The following BABAM2 variants were observed in gnomAD, a reference collection of about 807,000 sequenced individuals.
BABAM2 encodes BRISC and BRCA1-A complex member 2.
Under a neutral mutation model 54.7 loss-of-function variants are expected in BABAM2, and 31 were observed. The observed-to-expected ratio is 0.57, with a 90% CI of 0.43 to 0.77. The LOEUF (loss-of-function observed/expected upper bound fraction) is 0.77, where lower values mean the gene tolerates loss of function less well. BABAM2 is among the 30% of genes least tolerant of loss of function. The pLI, the probability that BABAM2 is intolerant of heterozygous loss-of-function variation, is 0.00. For synonymous variants in BABAM2, 167 were observed against 162.9 expected (o/e 1.03, Z -0.19); for missense variants, 364 against 455.8 (o/e 0.80, Z 1.83).
intron 6 of BABAM2, among the ~76,000 whole-genome samples, chr2:28,067,846 G>A (rs1156540014): frequency 1.3e-5 from 2 of 152,126 alleles, no homozygotes; most frequent in African/African-American, 4.8e-5. Context: ...GGCAGAATTG[G>A]TGTAATTCAC....
intron 4 of BABAM2, among the ~76,000 whole-genome samples, chr2:28,007,460 T>C (rs1674058345): frequency 6.6e-6 from 1 of 152,106 alleles, no homozygotes; most frequent in African/African-American, 2.4e-5. Context: ...CATAATGCTT[T>C]TGGCTGGAGA....
intron 5 of BABAM2, among the ~76,000 whole-genome samples, chr2:28,026,330 C>G (rs190227097): frequency 2.6e-5 from 4 of 152,234 alleles, no homozygotes; most frequent in Admixed American, 2.6e-4. Flanking sequence ...TTGGAACCAA[C>G]CCAAATGCCT....
At chr2:28,205,339 A>G (rs1378236900) in intron 7 of BABAM2, among the ~76,000 whole-genome samples, 8 of 151,920 alleles carry the variant, frequency 5.3e-5, no homozygotes, top group Non-Finnish European at 1.2e-4. Context: ...GTCTCTACTA[A>G]AAATACAAAA....
intron 4 of BABAM2, among the ~76,000 whole-genome samples, chr2:28,024,052 G>A (rs146265114): frequency 4.9e-4 from 75 of 152,202 alleles, no homozygotes; most frequent in African/African-American, 1.7e-3. Context: ...CTATACTCAT[G>A]GTTATTTTAT....
intron 7 of BABAM2, among the ~76,000 whole-genome samples, chr2:28,198,309 G>A (rs1677846512): frequency 6.6e-6 from 1 of 151,942 alleles, no homozygotes; most frequent in Non-Finnish European, 1.5e-5. Flanking sequence ...GATTACAGGT[G>A]CCCGCAAAAA....
chr2:28,122,149 G>A (rs1669129240), intron 6 of BABAM2, among the ~76,000 whole-genome samples: 1 of 151,976 alleles, frequency 6.6e-6, no homozygotes, highest in South Asian at 2.1e-4. Flanking sequence ...CTGGGAGGTG[G>A]AGCTTGCAGT....
chr2:28,127,196 A>G (rs1669626690), intron 6 of BABAM2, among the ~76,000 whole-genome samples: 1 of 152,186 alleles, frequency 6.6e-6, no homozygotes. Flanking sequence ...TTGGTATTTT[A>G]GACATGAAGT....
At chr2:27,970,499 T>G (rs1671132691) in intron 3 of BABAM2, among the ~76,000 whole-genome samples, 1 of 152,198 alleles carries the variant, frequency 6.6e-6, no homozygotes, top group Non-Finnish European at 1.5e-5. Context: ...AGTATCTATC[T>G]CTAAATCTTT....
chr2:28,000,269 G>T (rs1673485548), intron 4 of BABAM2, among the ~76,000 whole-genome samples: 1 of 151,944 alleles, frequency 6.6e-6, no homozygotes, highest in Non-Finnish European at 1.5e-5. Flanking sequence ...GGTTCCTTTT[G>T]TGACAGTTTC....
intron 4 of BABAM2, among the ~76,000 whole-genome samples, chr2:28,003,435 A>G (rs562077479): frequency 1.4e-4 from 22 of 152,256 alleles, no homozygotes; most frequent in Admixed American, 5.2e-4. Flanking sequence ...ACTACAAAAA[A>G]CAAAAATTAG....
At chr2:28,291,540 G>C in intron 10 of BABAM2, among the ~76,000 whole-genome samples, 1 of 149,650 alleles carries the variant, frequency 6.7e-6, no homozygotes, top group Non-Finnish European at 1.5e-5. Flanking sequence ...GTTGCGGTGA[G>C]CCGAGATCAC....
At chr2:28,336,517 G>A (rs953133473) in intron 11 of BABAM2, among the ~76,000 whole-genome samples, 1 of 152,166 alleles carries the variant, frequency 6.6e-6, no homozygotes, top group African/African-American at 2.4e-5. Context: ...TGCTCTGTGT[G>A]ACCCCAAGGA....
chr2:28,094,613 G>C (rs1445723458), intron 6 of BABAM2, among the ~76,000 whole-genome samples: 2 of 151,862 alleles, frequency 1.3e-5, no homozygotes, highest in East Asian at 3.9e-4. Context: ...TAAATAGTTA[G>C]ATAATATTTT....
intron 11 of BABAM2, among the ~76,000 whole-genome samples, chr2:28,303,086 C>T (rs1276993242): frequency 6.6e-6 from 1 of 152,080 alleles, no homozygotes; most frequent in Non-Finnish European, 1.5e-5. Flanking sequence ...AACCCTTGGG[C>T]TCAAGTGATC....
chr2:28,065,492 G>A (rs1007435034), intron 6 of BABAM2, among the ~76,000 whole-genome samples: 2 of 152,120 alleles, frequency 1.3e-5, no homozygotes, highest in Non-Finnish European at 2.9e-5. Context: ...AATAGTCTGG[G>A]ATGAGGGAAA....
intron 3 of BABAM2, among the ~76,000 whole-genome samples, chr2:27,978,796 C>G (rs996412592): frequency 1.3e-5 from 2 of 152,138 alleles, no homozygotes; most frequent in Admixed American, 1.3e-4. Flanking sequence ...TCCTCTCACC[C>G]TCCACCCTCA....
intron 6 of BABAM2, among the ~76,000 whole-genome samples, chr2:28,113,052 TG>T (rs1329174255): frequency 6.6e-6 from 1 of 152,198 alleles, no homozygotes; most frequent in Non-Finnish European, 1.5e-5. Context: ...TGGGGTTGTT[TG>T]TTATTTTCTT....
chr2:28,251,453 C>T (rs1290685321), intron 10 of BABAM2, among the ~76,000 whole-genome samples: 1 of 152,138 alleles, frequency 6.6e-6, no homozygotes, highest in Non-Finnish European at 1.5e-5. Flanking sequence ...CTCTCCAATT[C>T]CTGGTATAAC....
At chr2:28,327,212 C>T in intron 11 of BABAM2, 1 of 1,529,704 alleles carries the variant, frequency 6.5e-7, no homozygotes, top group Non-Finnish European at 8.8e-7. Flanking sequence ...ACTACCCTGT[C>T]CCTCCCTCCA....
Sources: allele counts gnomAD v4.1 joint callset (sites outside exome capture counted in the v4.1 genomes callset), GRCh38; gene constraint gnomAD v4.1.1; transcripts MANE v1.5; gene names NCBI Gene and HGNC (gene_info 2026-07-23, HGNC 2026-07-21).